KIAA1217: variants seen among roughly 807,000 people sequenced by gnomAD.
KIAA1217 encodes the protein sickle tail protein homolog.
In KIAA1217, 88 loss-of-function variants were observed where a neutral mutation model predicts 163.9. The ratio of observed to expected loss-of-function variants is 0.54; its 90% confidence interval spans 0.45 to 0.64. The LOEUF is 0.64. Ranked by LOEUF, KIAA1217 falls within the 30% of genes least tolerant of loss-of-function variation. The pLI, the probability that KIAA1217 is intolerant of heterozygous loss-of-function variation, is 0.00. For synonymous variants in KIAA1217, 903 were observed against 923.1 expected (o/e 0.98, Z 0.39); for missense variants, 2,372 against 2,475.0 (o/e 0.96, Z 0.88).
intron 2 of KIAA1217, among the ~76,000 whole-genome samples, chr10:24,225,666 C>T (rs373234902): frequency 4.6e-5 from 7 of 152,318 alleles, no homozygotes; most frequent in African/African-American, 1.7e-4. Flanking sequence ...AATAGGCATT[C>T]ACATATAAAG....
intron 1 of KIAA1217, among the ~76,000 whole-genome samples, chr10:23,780,737 G>T (rs1325394531): frequency 6.6e-6 from 1 of 152,172 alleles, no homozygotes. Flanking sequence ...CTGGAGTGCA[G>T]TGGTGCCATC....
intron 1 of KIAA1217, among the ~76,000 whole-genome samples, chr10:23,929,095 A>C (rs1207910241): frequency 6.6e-6 from 1 of 152,186 alleles, no homozygotes; most frequent in Non-Finnish European, 1.5e-5. Context: ...CAGAGGCCAA[A>C]TCAGGTAGGG....
chr10:23,984,319 A>G (rs1271310246), intron 1 of KIAA1217, among the ~76,000 whole-genome samples: 1 of 152,178 alleles, frequency 6.6e-6, no homozygotes, highest in Non-Finnish European at 1.5e-5. Flanking sequence ...AGGTCTTTTT[A>G]CAGCCAAACA....
At chr10:24,174,582 C>T (rs2065780728) in intron 2 of KIAA1217, among the ~76,000 whole-genome samples, 1 of 152,212 alleles carries the variant, frequency 6.6e-6, no homozygotes, top group Admixed American at 6.5e-5. Flanking sequence ...CTCTCAACAA[C>T]TTACTTTCAG....
intron 2 of KIAA1217, among the ~76,000 whole-genome samples, chr10:24,103,797 A>T (rs1589510310): frequency 2.0e-5 from 3 of 152,334 alleles, no homozygotes; most frequent in East Asian, 3.9e-4. Context: ...CAAAGTCAAG[A>T]CATTCCCCAA....
intron 1 of KIAA1217, among the ~76,000 whole-genome samples, chr10:23,813,001 T>C (rs529221146): frequency 4.3e-4 from 65 of 152,274 alleles, no homozygotes; most frequent in African/African-American, 1.5e-3. Context: ...TGTTTAACCA[T>C]TGAGGACTGC....
chr10:23,763,864 A>T (rs1274389438), intron 1 of KIAA1217, among the ~76,000 whole-genome samples: 1 of 152,204 alleles, frequency 6.6e-6, no homozygotes. Context: ...TTCCAAAAAA[A>T]CCCACTAAAA....
At chr10:24,098,843 G>A (rs2062273762) in intron 2 of KIAA1217, among the ~76,000 whole-genome samples, 1 of 151,920 alleles carries the variant, frequency 6.6e-6, no homozygotes, top group African/African-American at 2.4e-5. Context: ...CATTAGCTAG[G>A]CATGGTGGTA....
Position 23,869,338 on chromosome 10 carries a change from C to A in KIAA1217, c.-320-137887C>A, listed in dbSNP as rs183082020. On this transcript the variant is annotated intron_variant, in intron 1 of 18. Transcript: ENST00000376462. Reference sequence around the variant, plus strand: ...ACTTGAATAACATATTAGGTCTCCGCTGAAATAAACGTGATGTGTTCTGTG... The same window carrying A: ...ACTTGAATAACATATTAGGTCTCCGATGAAATAAACGTGATGTGTTCTGTG... Among the ~76,000 whole-genome samples, 5 of 151,932 alleles carry A rather than the reference C, an allele frequency of 3.3e-5. No homozygotes were observed. The East Asian group carries it at 9.7e-4, about 30-fold the overall frequency.
At chr10:23,913,769 C>G (rs140054131) in intron 1 of KIAA1217, among the ~76,000 whole-genome samples, 1,639 of 152,250 alleles carry the variant, frequency 0.011, 30 homozygotes, top group African/African-American at 0.037. Context: ...TGTTCTCTCC[C>G]TTTTCTCATT....
At chr10:23,817,295 T>G (rs1225631262) in intron 1 of KIAA1217, among the ~76,000 whole-genome samples, 1 of 152,208 alleles carries the variant, frequency 6.6e-6, no homozygotes, top group African/African-American at 2.4e-5. Context: ...GACTTCTTCT[T>G]CAGAAGAATC....
At chr10:24,017,629 A>T (rs1053130459) in intron 2 of KIAA1217, among the ~76,000 whole-genome samples, 114 of 152,220 alleles carry the variant, frequency 7.5e-4, no homozygotes, top group African/African-American at 2.6e-3. Context: ...CAACATACCT[A>T]AAAAGCTGGA....
intron 5 of KIAA1217, among the ~76,000 whole-genome samples, chr10:24,462,503 C>T (rs1384088612): frequency 6.6e-6 from 1 of 152,158 alleles, no homozygotes; most frequent in Non-Finnish European, 1.5e-5. Context: ...GCAGGTCACA[C>T]GCAAACAACC....
At chr10:24,232,993 T>A (rs561204485) in intron 2 of KIAA1217, among the ~76,000 whole-genome samples, 128 of 141,498 alleles carry the variant, frequency 9.0e-4, no homozygotes, top group South Asian at 4.6e-3. Flanking sequence ...GGCATAGTGG[T>A]GTACACCTAC....
chr10:24,388,639 A>G (rs1313721686), intron 3 of KIAA1217, among the ~76,000 whole-genome samples: 1 of 152,146 alleles, frequency 6.6e-6, no homozygotes, highest in African/African-American at 2.4e-5. Flanking sequence ...AGAATGGGAG[A>G]AAATTTTTAC....
rs552618207 is a variant in KIAA1217 at position 23,862,203 on chromosome 10, T to C, written c.-320-145022T>C. 6.6e-5 allele frequency among the ~76,000 whole-genome samples: 10 copies of C among 152,310 alleles called. No homozygotes were observed. The South Asian group carries it at 2.1e-3, about 32-fold the overall frequency. On this transcript the variant is annotated intron_variant, in intron 1 of 18. Coordinates refer to the KIAA1217 transcript ENST00000376462. ...GCATTTTATACCTAGTTTATCTTTG[T>C]CTAGCTTCTTTTAATCCATAGTAAG...
At chr10:23,708,783 T>C (rs184034928) in intron 1 of KIAA1217, among the ~76,000 whole-genome samples, 1 of 152,126 alleles carries the variant, frequency 6.6e-6, no homozygotes, top group East Asian at 1.9e-4. Context: ...AAAAAACATA[T>C]ATGGATGAAG....
chr10:24,020,132 C>T (rs1847670489), intron 2 of KIAA1217, among the ~76,000 whole-genome samples: 1 of 152,000 alleles, frequency 6.6e-6, no homozygotes, highest in African/African-American at 2.4e-5. Flanking sequence ...CAAAGGCAAA[C>T]AAAAATTATG....
intron 5 of KIAA1217, among the ~76,000 whole-genome samples, chr10:24,468,491 T>C (rs1360754866): frequency 1.3e-5 from 2 of 152,232 alleles, no homozygotes; most frequent in African/African-American, 4.8e-5. Context: ...AAGTCACCTG[T>C]GTTGATAGAG....
Sources: allele counts gnomAD v4.1 joint callset (sites outside exome capture counted in the v4.1 genomes callset), GRCh38; gene constraint gnomAD v4.1.1; transcripts MANE v1.5; gene names NCBI Gene and HGNC (gene_info 2026-07-23, HGNC 2026-07-21).